The following MSRA variants were observed in gnomAD, a reference collection of about 807,000 sequenced individuals.
MSRA encodes the protein mitochondrial peptide methionine sulfoxide reductase.
MSRA carries 54 observed loss-of-function variants against 31.3 expected under a neutral mutation model. The ratio of observed to expected loss-of-function variants is 1.73; its 90% confidence interval spans 1.39 to 2.17. The LOEUF (loss-of-function observed/expected upper bound fraction) is 2.17. Ranked by LOEUF, MSRA falls within the 30% of genes most tolerant of loss-of-function variation. MSRA has a pLI of 0.00. For synonymous variants in MSRA, 169 were observed against 116.5 expected, an observed-to-expected ratio of 1.45 and a Z score of -2.90; for missense variants, 507 against 300.9, an observed-to-expected ratio of 1.69 and a Z score of -5.07.
chr8:10,384,966 C>T lies in MSRA; in HGVS notation c.544-43182C>T, dbSNP rs191623413. On this transcript the variant is annotated intron_variant, in intron 5 of 5. Transcript: ENST00000317173. ...ACAGTAAGCCGTGATTGGGCCACTGCACTCCAGCCTGGGTGACAGAGCAAA... is the reference window on the plus strand; with the variant it reads ...ACAGTAAGCCGTGATTGGGCCACTGTACTCCAGCCTGGGTGACAGAGCAAA... Among the ~76,000 whole-genome samples, 323 of 152,076 alleles carry T rather than the reference C, an allele frequency of 2.1e-3. 1 individual carries two copies. The highest frequency in any genetic ancestry group is 7.6e-3 in the African/African-American group (314 of 41,464).
rs116626746 is a variant in MSRA at position 10,217,783 on chromosome 8, C to A, written c.211+9882C>A. ...TAAAATAATACTTTTTAAATATCAT[C>A]AAATCTCCAGTGAGTCCATTTCCCC... is the stretch of plus-strand genomic sequence containing the variant. On this transcript the variant is annotated intron_variant, in intron 2 of 5. Transcript: ENST00000317173. Among the ~76,000 whole-genome samples the A allele has an allele frequency of 9.9e-3, 1,505 of 152,242 alleles. 29 individuals are homozygous for A. Among genetic ancestry groups the A allele is most frequent in the African/African-American group, 0.035 (1,445 of 41,546 alleles).
At chr8:10,392,078 C>G (rs747157001) in intron 5 of MSRA, among the ~76,000 whole-genome samples, 48 of 152,174 alleles carry the variant, frequency 3.2e-4, no homozygotes, top group Non-Finnish European at 6.0e-4. Context: ...CAGCCTCCCC[C>G]ACTGGCTTCT....
intron 5 of MSRA, among the ~76,000 whole-genome samples, chr8:10,427,568 C>T (rs559040024): frequency 6.6e-6 from 1 of 152,288 alleles, no homozygotes; most frequent in South Asian, 2.1e-4. Flanking sequence ...CAGCAGGGTC[C>T]TTCTCCCCAG....
At chr8:10,106,628 G>C (rs891049666) in intron 1 of MSRA, among the ~76,000 whole-genome samples, 1 of 152,182 alleles carries the variant, frequency 6.6e-6, no homozygotes, top group African/African-American at 2.4e-5. Context: ...GCCTGGGCTT[G>C]TTAGTAGCAA....
At chr8:10,403,224 C>G (rs1417899244) in intron 5 of MSRA, among the ~76,000 whole-genome samples, 14 of 152,220 alleles carry the variant, frequency 9.2e-5, no homozygotes, top group Admixed American at 9.2e-4. Flanking sequence ...ACTAACGAAA[C>G]AGCTTTCAGC....
chr8:10,058,939 A>G (rs903652083), intron 1 of MSRA: 1 of 152,224 alleles, frequency 6.6e-6, no homozygotes, highest in African/African-American at 2.4e-5. Context: ...CAGGCCACCT[A>G]AATTGGATTA....
Position 10,218,634 on chromosome 8 carries a change from G to A in MSRA, c.211+10733G>A, listed in dbSNP as rs140068722. Reference sequence around the variant, plus strand: ...TGTGAGATCCAGTTTGCTGAAGAAAGCAGGATAAGTGGTGATTTTCCTTAT... The same window carrying A: ...TGTGAGATCCAGTTTGCTGAAGAAAACAGGATAAGTGGTGATTTTCCTTAT... On this transcript the variant is annotated intron_variant, in intron 2 of 5. Coordinates refer to ENST00000317173, the MANE Select transcript of MSRA (RefSeq NM_012331.5). Among the ~76,000 whole-genome samples the A allele has an allele frequency of 6.6e-5, 10 of 152,324 alleles. No homozygotes were observed. The East Asian group carries it at 1.9e-3, about 29-fold the overall frequency.
intron 1 of MSRA, among the ~76,000 whole-genome samples, chr8:10,182,042 G>T (rs1232979477): frequency 6.6e-6 from 1 of 152,084 alleles, no homozygotes; most frequent in African/African-American, 2.4e-5. Flanking sequence ...CTTGGTACAT[G>T]ACCCCATCTA....
chr8:10,168,011 T>C (rs1208432294), intron 1 of MSRA, among the ~76,000 whole-genome samples: 2 of 152,254 alleles, frequency 1.3e-5, no homozygotes, highest in South Asian at 2.1e-4. Flanking sequence ...TTCTGATCTT[T>C]ATGAGGCAGT....
chr8:10,211,901 C>T (rs1185695964), intron 2 of MSRA, among the ~76,000 whole-genome samples: 1 of 152,126 alleles, frequency 6.6e-6, no homozygotes, highest in Non-Finnish European at 1.5e-5. Flanking sequence ...AAAAATACTC[C>T]ATAGTCAAGA....
intron 1 of MSRA, among the ~76,000 whole-genome samples, chr8:10,169,053 C>G (rs1412252399): frequency 6.6e-6 from 1 of 152,168 alleles, no homozygotes; most frequent in Admixed American, 6.5e-5. Context: ...TTCCCCATAA[C>G]CTTCTCTCAT....
intron 1 of MSRA, among the ~76,000 whole-genome samples, chr8:10,076,925 A>G (rs1345169283): frequency 1.3e-5 from 2 of 152,092 alleles, no homozygotes; most frequent in Non-Finnish European, 2.9e-5. Flanking sequence ...ATTAGAAAAA[A>G]AAAGCTAATG....
At chr8:10,115,317 C>T (rs772876733) in intron 1 of MSRA, among the ~76,000 whole-genome samples, 7 of 152,202 alleles carry the variant, frequency 4.6e-5, no homozygotes, top group Admixed American at 3.3e-4. Context: ...GAGAGACCAG[C>T]CTCACAGCGA....
At chr8:10,155,043 G>C (rs1804034561) in intron 1 of MSRA, among the ~76,000 whole-genome samples, 1 of 130,046 alleles carries the variant, frequency 7.7e-6, no homozygotes, top group Admixed American at 7.8e-5. Flanking sequence ...CATTTTAAGA[G>C]AACAAGCTTA....
chr8:10,192,485 T>G (rs1024157381), intron 1 of MSRA, among the ~76,000 whole-genome samples: 3 of 152,212 alleles, frequency 2.0e-5, no homozygotes, highest in African/African-American at 7.2e-5. Flanking sequence ...AATAAGAAAT[T>G]AGACCACTTA....
At chr8:10,065,108 C>T (rs1797393633) in intron 1 of MSRA, among the ~76,000 whole-genome samples, 1 of 152,158 alleles carries the variant, frequency 6.6e-6, no homozygotes, top group African/African-American at 2.4e-5. Context: ...AGTGAGCCCT[C>T]TGCAGGGACT....
At chr8:10,381,627 G>T (rs1038671470) in intron 5 of MSRA, among the ~76,000 whole-genome samples, 1 of 152,190 alleles carries the variant, frequency 6.6e-6, no homozygotes, top group Non-Finnish European at 1.5e-5. Context: ...TGTGGGTGGG[G>T]CTCTAGGTTC....
intron 1 of MSRA, among the ~76,000 whole-genome samples, chr8:10,120,121 A>G (rs1800997286): frequency 6.6e-6 from 1 of 152,180 alleles, no homozygotes; most frequent in Non-Finnish European, 1.5e-5. Context: ...GGCCAAGTCC[A>G]ACAGAAACCA....
chr8:10,406,015 G>C (rs1391030561), intron 5 of MSRA, among the ~76,000 whole-genome samples: 1 of 152,272 alleles, frequency 6.6e-6, no homozygotes, highest in Admixed American at 6.5e-5. Flanking sequence ...CTCCAGGGTA[G>C]GGCTGCCTGC....
Sources: allele counts gnomAD v4.1 joint callset (sites outside exome capture counted in the v4.1 genomes callset), GRCh38; gene constraint gnomAD v4.1.1; transcripts MANE v1.5; gene names NCBI Gene and HGNC (gene_info 2026-07-23, HGNC 2026-07-21).